The following LRP1B variants were observed in gnomAD, a reference collection of about 807,000 sequenced individuals.
LRP1B encodes low-density lipoprotein receptor-related protein 1B.
A neutral mutation model predicts 556.6 loss-of-function variants in LRP1B; 217 were observed. The observed-to-expected ratio is 0.39, with a 90% CI of 0.35 to 0.44. The LOEUF is 0.44. Ranked by LOEUF, LRP1B falls within the 20% of genes least tolerant of loss-of-function variation. The pLI, the probability that LRP1B is intolerant of heterozygous loss-of-function variation, is 1.00. For missense variants in LRP1B, 5,053 were observed against 5,620.8 expected (o/e 0.90, Z 3.23); for synonymous variants, 2,047 against 1,865.8 (o/e 1.10, Z -2.50).
At chr2:140,933,093 C>T (rs536842392) in intron 20 of LRP1B, among the ~76,000 whole-genome samples, 74 of 151,830 alleles carry the variant, frequency 4.9e-4, no homozygotes, top group Admixed American at 2.3e-3. Flanking sequence ...TACATTATGG[C>T]GATACATTTT....
chr2:141,643,709 T>C (rs1450199954), intron 2 of LRP1B, among the ~76,000 whole-genome samples: 2 of 152,166 alleles, frequency 1.3e-5, no homozygotes, highest in African/African-American at 2.4e-5. Flanking sequence ...TTCATATTTC[T>C]AATTTTACAA....
chr2:141,776,176 T>C (rs1222065790), intron 2 of LRP1B, among the ~76,000 whole-genome samples: 1 of 152,096 alleles, frequency 6.6e-6, no homozygotes, highest in East Asian at 1.9e-4. Context: ...TCATTTGCTA[T>C]CTAAGGCTTG....
intron 39 of LRP1B, 55 bp from the exon 40 acceptor site, chr2:140,701,900 C>G (rs984888664): frequency 6.2e-7 from 1 of 1,604,836 alleles, no homozygotes; most frequent in African/African-American, 1.3e-5. Flanking sequence ...TAAAGTCAAG[C>G]CAGTTACTTA....
chr2:140,529,437 G>A (rs536248330), intron 47 of LRP1B, among the ~76,000 whole-genome samples: 1 of 109,372 alleles, frequency 9.1e-6, no homozygotes, highest in Non-Finnish European at 1.8e-5. Context: ...TGAAAAGGGG[G>A]GGGGGAAGCA....
intron 1 of LRP1B, among the ~76,000 whole-genome samples, chr2:142,123,032 C>T (rs536205005): frequency 5.9e-5 from 9 of 152,116 alleles, no homozygotes; most frequent in East Asian, 5.8e-4. Flanking sequence ...TTCTGACTAT[C>T]AAAGTTCTCT....
intron 6 of LRP1B, among the ~76,000 whole-genome samples, chr2:141,212,249 A>ATTTTTTTTTTTTTTTTTTTTTTATTTT (rs1682590247): frequency 1.6e-5 from 1 of 62,226 alleles, no homozygotes; most frequent in Non-Finnish European, 3.1e-5. Flanking sequence ...AAAAGTCTAG[A>ATTTTTTTTTTTTTTTTTTTTTTATTTT]TTTTTTTTTT....
chr2:141,285,463 T>C (rs1488718873), intron 3 of LRP1B, among the ~76,000 whole-genome samples: 1 of 145,224 alleles, frequency 6.9e-6, no homozygotes, highest in Admixed American at 6.8e-5. Context: ...TTCTTTTTTT[T>C]TTTTTTTTTT....
At chr2:140,722,726 T>TA (rs1687456150) in intron 35 of LRP1B, among the ~76,000 whole-genome samples, 1 of 152,110 alleles carries the variant, frequency 6.6e-6, no homozygotes, top group South Asian at 2.1e-4. Context: ...AAATTAGTAA[T>TA]AAAAGCAAGA....
intron 43 of LRP1B, among the ~76,000 whole-genome samples, chr2:140,569,936 T>C (rs72975890): frequency 0.015 from 2,258 of 151,890 alleles, 59 homozygotes; most frequent in African/African-American, 0.049. Flanking sequence ...TGAATGACCA[T>C]TGGGTTAATA....
intron 27 of LRP1B, among the ~76,000 whole-genome samples, chr2:140,857,423 T>C (rs1330307182): frequency 6.6e-6 from 1 of 152,212 alleles, no homozygotes; most frequent in Non-Finnish European, 1.5e-5. Context: ...AGAAAGGAAT[T>C]TTCAGAAGTA....
intron 2 of LRP1B, among the ~76,000 whole-genome samples, chr2:141,486,262 A>G (rs1683119195): frequency 6.6e-6 from 1 of 152,168 alleles, no homozygotes; most frequent in Admixed American, 6.6e-5. Flanking sequence ...AGTCTTGACC[A>G]ATTAGTCAAA....
At chr2:140,443,543 T>G (rs138253931) in intron 65 of LRP1B, among the ~76,000 whole-genome samples, 1 of 152,254 alleles carries the variant, frequency 6.6e-6, no homozygotes, top group East Asian at 1.9e-4. Context: ...CTGATAAAAG[T>G]TTTTGAGGGA....
At chr2:141,751,046 A>T (rs1322066827) in intron 2 of LRP1B, among the ~76,000 whole-genome samples, 5 of 152,078 alleles carry the variant, frequency 3.3e-5, no homozygotes, top group East Asian at 1.9e-4. Context: ...TATATATATA[A>T]AAAGGATACT....
Position 141,341,328 on chromosome 2 carries a change from T to C in LRP1B, c.344-86687A>G, listed in dbSNP as rs1688046858. Among the ~76,000 whole-genome samples the C allele has an allele frequency of 2.0e-5, 3 of 151,378 alleles. No individual in the cohort carries two copies. In the South Asian group the frequency reaches 6.3e-4, roughly 32 times the overall value. On this transcript the variant is annotated intron_variant, in intron 3 of 90. Transcript: ENST00000389484. Reference sequence around the variant, plus strand: ...TTATCTCTAATAATTCCTACAGGGATTTTTTTTATCTTGAACTGTTTAAAA... The same window carrying C: ...TTATCTCTAATAATTCCTACAGGGACTTTTTTTATCTTGAACTGTTTAAAA...
At chr2:141,859,410 T>A (rs1426663317) in intron 1 of LRP1B, among the ~76,000 whole-genome samples, 1 of 152,124 alleles carries the variant, frequency 6.6e-6, no homozygotes, top group South Asian at 2.1e-4. Context: ...AGTTTAAATA[T>A]TTACATTTAA....
intron 2 of LRP1B, among the ~76,000 whole-genome samples, chr2:141,681,458 T>C (rs1300699602): frequency 6.6e-6 from 1 of 151,954 alleles, no homozygotes; most frequent in Non-Finnish European, 1.5e-5. Context: ...ATAAAAAAAG[T>C]CAATTTTCAT....
At chr2:140,592,936 AC>A (rs1682286788) in intron 43 of LRP1B, among the ~76,000 whole-genome samples, 1 of 3,752 alleles carries the variant, frequency 2.7e-4, no homozygotes, top group Admixed American at 4.3e-3. Flanking sequence ...TGAGATCCTG[AC>A]ACACACACAC....
intron 2 of LRP1B, among the ~76,000 whole-genome samples, chr2:141,742,118 TTA>T (rs1693730484): frequency 6.6e-6 from 1 of 152,154 alleles, no homozygotes; most frequent in Admixed American, 6.5e-5. Context: ...CTGGATTTAT[TTA>T]TGTTTTCTAT....
At chr2:140,469,340 C>A (rs1373775990) in intron 60 of LRP1B, among the ~76,000 whole-genome samples, 1 of 152,154 alleles carries the variant, frequency 6.6e-6, no homozygotes, top group Non-Finnish European at 1.5e-5. Context: ...ATCTATGAAG[C>A]AGACAGTGAG....
Sources: gnomAD v4.1 joint callset for allele counts (sites outside exome capture counted in the v4.1 genomes callset) on GRCh38, gnomAD v4.1.1 for gene constraint, MANE v1.5 for transcripts, NCBI Gene and HGNC (gene_info 2026-07-23, HGNC 2026-07-21) for gene names.